Variants in MYT1L observed in about 807,000 individuals in gnomAD.
MYT1L encodes the protein myelin transcription factor 1-like protein.
Under a neutral mutation model 126.7 loss-of-function variants are expected in MYT1L, and 12 were observed. The observed-to-expected ratio is 0.09, with a 90% CI of 0.06 to 0.15. The LOEUF (loss-of-function observed/expected upper bound fraction) is 0.15. Ranked by LOEUF, MYT1L falls within the 10% of genes least tolerant of loss-of-function variation. The pLI, the probability that MYT1L is intolerant of heterozygous loss-of-function variation, is 1.00. For synonymous variants in MYT1L, 541 were observed against 604.2 expected, an observed-to-expected ratio of 0.90 and a Z score of 1.53; for missense variants, 979 against 1,585.2, an observed-to-expected ratio of 0.62 and a Z score of 6.49.
intron 4 of MYT1L, among the ~76,000 whole-genome samples, chr2:2,019,042 T>C (rs1029931746): frequency 1.3e-5 from 2 of 152,142 alleles, no homozygotes; most frequent in African/African-American, 4.8e-5. Context: ...TTTAGCTTTA[T>C]CTCCATTTCT....
chr2:2,079,409 C>T (rs1045408676), intron 3 of MYT1L, among the ~76,000 whole-genome samples: 1 of 152,188 alleles, frequency 6.6e-6, no homozygotes, highest in Admixed American at 6.5e-5. Context: ...GGTAGCAATA[C>T]TTCTCAAATT....
At chr2:1,842,833 G>A (rs2041935330) in intron 19 of MYT1L, 1 of 156,854 alleles carries the variant, frequency 6.4e-6, no homozygotes, top group Non-Finnish European at 1.4e-5. Flanking sequence ...AGGTTCCGTT[G>A]ATGTCACACC....
chr2:2,102,594 C>G (rs902118200), intron 3 of MYT1L, among the ~76,000 whole-genome samples: 2 of 147,930 alleles, frequency 1.4e-5, no homozygotes, highest in Admixed American at 1.4e-4. Context: ...TTTGGCAATG[C>G]CTCTTGGGAA....
At chr2:2,026,446 G>C (rs888823623) in intron 4 of MYT1L, among the ~76,000 whole-genome samples, 1 of 152,178 alleles carries the variant, frequency 6.6e-6, no homozygotes, top group African/African-American at 2.4e-5. Flanking sequence ...GGGGTGGCCC[G>C]GGCCGAGGGA....
intron 4 of MYT1L, among the ~76,000 whole-genome samples, chr2:2,051,107 C>T (rs1428886046): frequency 6.6e-6 from 1 of 152,104 alleles, no homozygotes; most frequent in Non-Finnish European, 1.5e-5. Context: ...CATTCTGTCT[C>T]TCATGGACCA....
At chr2:2,312,076 C>G (rs539498539) in intron 1 of MYT1L, among the ~76,000 whole-genome samples, 1 of 152,302 alleles carries the variant, frequency 6.6e-6, no homozygotes, top group Admixed American at 6.5e-5. Context: ...AGACTTTACA[C>G]AGCACCTCTA....
Position 1,899,082 on chromosome 2 carries a change from G to C in MYT1L, c.2032+3998C>G, listed in dbSNP as rs553261521. On this transcript the variant is annotated intron_variant, in intron 14 of 24. Transcript: ENST00000647738. ...CCATTTGGGGGCTGGTAACCTGACAGGATTAGGCCCCCAAGGGTGGGGTGT... is the reference window on the plus strand; with the variant it reads ...CCATTTGGGGGCTGGTAACCTGACACGATTAGGCCCCCAAGGGTGGGGTGT... Among the ~76,000 whole-genome samples, 5 of 152,310 alleles carry C rather than the reference G, an allele frequency of 3.3e-5. No individual in the cohort carries two copies. The East Asian group carries it at 9.7e-4, about 30-fold the overall frequency.
intron 21 of MYT1L, among the ~76,000 whole-genome samples, chr2:1,818,301 G>C (rs1464946292): frequency 6.6e-6 from 1 of 152,264 alleles, no homozygotes; most frequent in East Asian, 1.9e-4. Flanking sequence ...AAAGAGCTGC[G>C]GGTGGGAAGA....
Position 1,994,069 on chromosome 2 carries a change from T to A in MYT1L, c.-1+3122A>T, listed in dbSNP as rs139490231. On this transcript the variant is annotated intron_variant, in intron 5 of 24. Transcript: ENST00000647738. Reference sequence around the variant, plus strand: ...CAGCTTATTGTTGATATTGTTTTGTTGTTTTTCTATTTTGCTCATGGTATT... The same window carrying A: ...CAGCTTATTGTTGATATTGTTTTGTAGTTTTTCTATTTTGCTCATGGTATT... Among the ~76,000 whole-genome samples the A allele has an allele frequency of 5.4e-3, 824 of 152,372 alleles. 7 individuals carry two copies. The highest frequency in any genetic ancestry group is 0.019 in the African/African-American group (792 of 41,588).
In MYT1L at chr2:2,120,507, T is replaced by C. The variant is rs565625571; in HGVS notation, c.-304+52365A>G. Among the ~76,000 whole-genome samples, 37 of 152,142 alleles carry C rather than the reference T, an allele frequency of 2.4e-4. No homozygotes were observed. The South Asian group carries it at 7.3e-3, about 30-fold the overall frequency. On this transcript the variant is annotated intron_variant, in intron 3 of 24. Coordinates refer to ENST00000647738, the MANE Select transcript of MYT1L (RefSeq NM_001303052.2). ...TTTATTTTTAAAAATCATTGTAAAGTCAGTACAGGGCTTGTTCTCCATCTC... is the reference window on the plus strand; with the variant it reads ...TTTATTTTTAAAAATCATTGTAAAGCCAGTACAGGGCTTGTTCTCCATCTC...
At chr2:2,179,621 G>A (rs998034979) in intron 2 of MYT1L, among the ~76,000 whole-genome samples, 1 of 152,184 alleles carries the variant, frequency 6.6e-6, no homozygotes, top group African/African-American at 2.4e-5. Flanking sequence ...TTTTACAGAT[G>A]AGGAATCCCA....
chr2:1,944,147 C>T (rs976730697), intron 8 of MYT1L, among the ~76,000 whole-genome samples: 3 of 151,968 alleles, frequency 2.0e-5, no homozygotes, highest in Admixed American at 6.6e-5. Context: ...TACATGTGCA[C>T]AACATGCAGG....
intron 20 of MYT1L, among the ~76,000 whole-genome samples, chr2:1,839,633 G>A (rs1267531302): frequency 2.0e-5 from 3 of 152,240 alleles, no homozygotes; most frequent in African/African-American, 7.2e-5. Context: ...TGTGCCTGGT[G>A]GGACTGATGG....
At chr2:2,252,284 T>A (rs1461800082) in intron 2 of MYT1L, among the ~76,000 whole-genome samples, 1 of 152,156 alleles carries the variant, frequency 6.6e-6, no homozygotes, top group African/African-American at 2.4e-5. Context: ...AAATTCCCCC[T>A]GAATACCAGC....
intron 3 of MYT1L, among the ~76,000 whole-genome samples, chr2:2,110,858 G>A (rs1284873184): frequency 7.2e-5 from 11 of 152,274 alleles, no homozygotes; most frequent in Admixed American, 5.9e-4. Context: ...GGGAGTGAGT[G>A]CTGGTGTGAA....
chr2:1,884,641 C>T (rs1413421239), intron 18 of MYT1L, among the ~76,000 whole-genome samples: 1 of 152,230 alleles, frequency 6.6e-6, no homozygotes, highest in Non-Finnish European at 1.5e-5. Context: ...TTAAGAAATT[C>T]AGTCAAGTTC....
At chr2:1,820,554 T>A (rs778726818) in intron 21 of MYT1L, among the ~76,000 whole-genome samples, 18 of 152,234 alleles carry the variant, frequency 1.2e-4, no homozygotes, top group Non-Finnish European at 1.6e-4. Context: ...GTTGTTGTTG[T>A]TGTTGTTGTT....
Position 2,080,223 on chromosome 2 carries a change from G to T in MYT1L, c.-303-26100C>A, listed in dbSNP as rs552099994. Among the ~76,000 whole-genome samples, 7 of 152,118 alleles carry T rather than the reference G, an allele frequency of 4.6e-5. No individual in the cohort carries two copies. In the East Asian group the frequency reaches 1.2e-3, roughly 25 times the overall value. On this transcript the variant is annotated intron_variant, in intron 3 of 24. Transcript: ENST00000647738. ...AGTTAAAACTATATAACTCCTAGAAGAAAACCTATTAGTAAGTCTTTGTGT... is the reference window on the plus strand; with the variant it reads ...AGTTAAAACTATATAACTCCTAGAATAAAACCTATTAGTAAGTCTTTGTGT...
chr2:1,800,703 C>T (rs1427489940), intron 23 of MYT1L, among the ~76,000 whole-genome samples: 3 of 152,156 alleles, frequency 2.0e-5, no homozygotes, highest in Non-Finnish European at 2.9e-5. Context: ...ATTTACAGAG[C>T]GGGGATAATA....
Sources: gnomAD v4.1 joint callset for allele counts (sites outside exome capture counted in the v4.1 genomes callset) on GRCh38, gnomAD v4.1.1 for gene constraint, MANE v1.5 for transcripts, NCBI Gene and HGNC (gene_info 2026-07-23, HGNC 2026-07-21) for gene names.